Variants in VOPP1 observed in about 807,000 individuals in gnomAD.
The protein encoded by VOPP1 is WW domain binding protein VOPP1.
In VOPP1, 8 loss-of-function variants were observed where a neutral mutation model predicts 23.5. That is an observed-to-expected ratio of 0.34 (90% confidence interval 0.20 to 0.61). The LOEUF is 0.61. Among genes scored for constraint, VOPP1 ranks in the 20% least tolerant of loss-of-function variants. The pLI, the probability that VOPP1 is intolerant of heterozygous loss-of-function variation, is 0.78. For synonymous variants in VOPP1, 83 were observed against 97.3 expected (o/e 0.85, Z 0.86); for missense variants, 174 against 238.1 (o/e 0.73, Z 1.77).
intron 2 of VOPP1, among the ~76,000 whole-genome samples, chr7:55,509,714 G>C (rs546446309): frequency 6.6e-6 from 1 of 152,272 alleles, no homozygotes; most frequent in South Asian, 2.1e-4. Context: ...TCCATTTCCT[G>C]GGTATTCTGC....
At chr7:55,503,937 T>A (rs758334234) in intron 2 of VOPP1, among the ~76,000 whole-genome samples, 1 of 152,338 alleles carries the variant, frequency 6.6e-6, no homozygotes, top group Middle Eastern at 3.4e-3. Context: ...TTAGCAGTAA[T>A]TGTATTTAAA....
intron 1 of VOPP1, among the ~76,000 whole-genome samples, chr7:55,550,266 C>T (rs973892787): frequency 6.6e-6 from 1 of 152,260 alleles, no homozygotes; most frequent in African/African-American, 2.4e-5. Flanking sequence ...TGGCAGGTGC[C>T]ACCCTCTGGA....
chr7:55,549,152 T>C (rs993508527), intron 1 of VOPP1, among the ~76,000 whole-genome samples: 1 of 152,126 alleles, frequency 6.6e-6, no homozygotes, highest in African/African-American at 2.4e-5. Flanking sequence ...GTACTCCAAA[T>C]GCGCCTAAAT....
At chr7:55,461,711 C>T (rs996763964) in intron 4 of VOPP1, among the ~76,000 whole-genome samples, 2 of 152,212 alleles carry the variant, frequency 1.3e-5, no homozygotes, top group African/African-American at 2.4e-5. Flanking sequence ...CCACTGCGCC[C>T]GGCCCAGCTA....
intron 1 of VOPP1, among the ~76,000 whole-genome samples, chr7:55,556,981 T>C (rs1797832258): frequency 2.0e-5 from 3 of 152,098 alleles, no homozygotes; most frequent in Admixed American, 6.5e-5. Flanking sequence ...ACACCAACCT[T>C]GTATGAATAA....
At chr7:55,554,714 G>A (rs1023760234) in intron 1 of VOPP1, among the ~76,000 whole-genome samples, 3 of 152,226 alleles carry the variant, frequency 2.0e-5, no homozygotes, top group African/African-American at 7.2e-5. Flanking sequence ...ACTGTCTGAG[G>A]CCTCTGGGCC....
Position 55,473,027 on chromosome 7 carries a change from G to A in VOPP1, c.347C>T (p.Pro116Leu), listed in dbSNP as rs369962600. ...NPGPGAQQPG[P>L]PYYTDPGGPG... ...TCCTCCTGGGTCGGTGTAATAGGGC[G>A]GCCCCGGCTGCTGGGCTCCTGAAAG... The change falls in exon 5 of 5, where the codon CCG becomes CTG. Residue 116 changes from proline (P) to leucine (L), a missense_variant. Transcript: ENST00000285279. 2.4e-5 allele frequency: 38 copies of A among 1,597,758 alleles called. No individual in the cohort carries two copies. The highest frequency in any genetic ancestry group is 9.2e-5 in the East Asian group (4 of 43,362).
At chr7:55,571,983 C>T (rs1187461324) in intron 1 of VOPP1, 1 of 368,390 alleles carries the variant, frequency 2.7e-6, no homozygotes, top group Non-Finnish European at 5.0e-6. Flanking sequence ...ACAAAGGTCA[C>T]CCCGAGCTAA....
chr7:55,538,780 C>G (rs563275205), intron 1 of VOPP1: 3 of 720,264 alleles, frequency 4.2e-6, no homozygotes, highest in African/African-American at 1.8e-5. Context: ...TGGGTTTGAG[C>G]TGCTGATGAG....
intron 1 of VOPP1, among the ~76,000 whole-genome samples, chr7:55,553,384 A>G (rs780398164): frequency 6.6e-6 from 1 of 152,156 alleles, no homozygotes; most frequent in Admixed American, 6.5e-5. Context: ...GAGGAAAATA[A>G]AAAGACTAGC....
At chr7:55,444,715 C>CTTTT (rs34123434) in intron 4 of VOPP1, among the ~76,000 whole-genome samples, 17 of 147,568 alleles carry the variant, frequency 1.2e-4, no homozygotes, top group Non-Finnish European at 2.2e-4. Context: ...CGTAGAAACT[C>CTTTT]TTTTTTTTTT....
At chr7:55,488,538 A>T (rs1793314080) in intron 4 of VOPP1, among the ~76,000 whole-genome samples, 1 of 151,854 alleles carries the variant, frequency 6.6e-6, no homozygotes, top group Non-Finnish European at 1.5e-5. Flanking sequence ...CCAGGACCAC[A>T]ATGCTGCCAA....
chr7:55,471,442 T>C lies in VOPP1; in HGVS notation c.*1413A>G, dbSNP rs1791811573. 6.6e-6 allele frequency: 1 copy of C among 152,300 alleles called. No homozygotes were observed. Among genetic ancestry groups the C allele is most frequent in the Admixed American group, 6.5e-5 (1 of 15,282 alleles). The allele number at this position is 152,300 out of a possible 1,614,324, so 9.4% of individuals were successfully genotyped here. A position where few individuals can be genotyped will look rare whatever the true frequency, so the allele number is the denominator to read the frequency against. On this transcript the variant is annotated 3_prime_UTR_variant, in exon 5 of 5. Coordinates refer to ENST00000285279, the MANE Select transcript of VOPP1 (RefSeq NM_030796.5). Reference sequence around the variant, plus strand: ...GAGATGTCTTGATGCTCCAGTTCAATGAGTAACAATTTCTCAAGAGGCTCT... The same window carrying C: ...GAGATGTCTTGATGCTCCAGTTCAACGAGTAACAATTTCTCAAGAGGCTCT...
intron 1 of VOPP1, among the ~76,000 whole-genome samples, chr7:55,571,208 T>C (rs1798341628): frequency 6.6e-6 from 1 of 152,214 alleles, no homozygotes; most frequent in Non-Finnish European, 1.5e-5. Context: ...GTCTCGGCTA[T>C]GGCAGAGCCT....
At chr7:55,463,936 C>T (rs866661282) in intron 4 of VOPP1, among the ~76,000 whole-genome samples, 37 of 152,316 alleles carry the variant, frequency 2.4e-4, no homozygotes, top group Middle Eastern at 6.8e-3. Flanking sequence ...CTCAGACCAG[C>T]AGAGGCATGT....
intron 1 of VOPP1, among the ~76,000 whole-genome samples, chr7:55,562,549 T>C (rs1400096214): frequency 1.3e-5 from 2 of 152,212 alleles, no homozygotes; most frequent in African/African-American, 2.4e-5. Flanking sequence ...CAAGACAGAC[T>C]GACCTCAACT....
At chr7:55,496,489 A>T (rs1464391883) in intron 3 of VOPP1, among the ~76,000 whole-genome samples, 2 of 152,190 alleles carry the variant, frequency 1.3e-5, no homozygotes, top group African/African-American at 4.8e-5. Context: ...CAGTGTGGGG[A>T]CCTGACACCA....
chr7:55,557,058 G>A (rs1453696921), intron 1 of VOPP1, among the ~76,000 whole-genome samples: 1 of 151,992 alleles, frequency 6.6e-6, no homozygotes, highest in Admixed American at 6.5e-5. Context: ...TTCCTACTTC[G>A]GAAAACTGAC....
chr7:55,516,027 A>G, intron 2 of VOPP1: 1 of 985,472 alleles, frequency 1.0e-6, no homozygotes, highest in Non-Finnish European at 1.2e-6. Context: ...GCGAGGCCCA[A>G]GCAGAAGCTC....
Sources: gnomAD v4.1 joint callset for allele counts (sites outside exome capture counted in the v4.1 genomes callset) on GRCh38, gnomAD v4.1.1 for gene constraint, MANE v1.5 for transcripts, NCBI Gene and HGNC (gene_info 2026-07-23, HGNC 2026-07-21) for gene names.